The following WARS1 variants were observed in gnomAD, a reference collection of about 807,000 sequenced individuals.
WARS1 encodes the protein tryptophanyl-tRNA synthetase 1.
In WARS1, 17 loss-of-function variants were observed where a neutral mutation model predicts 47.8. The observed-to-expected ratio is 0.36, with a 90% confidence interval of 0.24 to 0.53. The LOEUF is 0.53. Ranked by LOEUF, WARS1 falls within the 20% of genes least tolerant of loss-of-function variation. The probability of loss-of-function intolerance (pLI) is 0.91; values close to 1 mark genes in which losing one functional copy is unlikely to be tolerated. For missense variants in WARS1, 434 were observed against 608.0 expected, an observed-to-expected ratio of 0.71 and a Z score of 3.01; for synonymous variants, 208 against 228.1, an observed-to-expected ratio of 0.91 and a Z score of 0.79.
chr14:100,376,248 C>G (rs1329690236), upstream of WARS1: 6 of 502,690 alleles, frequency 1.2e-5, no homozygotes, highest in Non-Finnish European at 1.8e-5. Context: ...CGGCCTTACT[C>G]CCCTCGCTTA....
intron 1 of WARS1, chr14:100,370,374 T>C (rs1261513386): frequency 1.3e-5 from 2 of 152,162 alleles, no homozygotes. Flanking sequence ...CAGGCTCTTA[T>C]GAGAACAAAA....
chr14:100,334,609 T>G lies in WARS1; in HGVS notation c.*266A>C. 3.0e-6 allele frequency: 1 copy of G among 337,298 alleles called. No individual in the cohort carries two copies. 20.9% of individuals were successfully genotyped at this position (337,298 alleles called of 1,614,324 possible). On this transcript the variant is annotated 3_prime_UTR_variant, in exon 11 of 11. Transcript: ENST00000392882. ...CCAAAGGCTCCACTGTGGGGCTGCT[T>G]TGGGGAGAGACTCACAGCTGGACTT...
chr14:100,346,957 G>C, intron 6 of WARS1, 111 bp from the exon 7 acceptor site: 1 of 935,102 alleles, frequency 1.1e-6, no homozygotes, highest in Non-Finnish European at 1.7e-6. Context: ...CCAGACTCGG[G>C]GCCACATTGT....
chr14:100,353,632 C>G (rs1414830760), intron 6 of WARS1, 55 bp downstream of exon 6: 1 of 1,582,818 alleles, frequency 6.3e-7, no homozygotes, highest in Admixed American at 1.8e-5. Context: ...GTGGTCATGA[C>G]AACTTGACAT....
intron 4 of WARS1, among the ~76,000 whole-genome samples, chr14:100,358,194 G>A (rs755517130): frequency 3.3e-5 from 5 of 151,914 alleles, no homozygotes; most frequent in African/African-American, 4.8e-5. Context: ...GTGCAGTGGC[G>A]CGATCTCGGC....
At chr14:100,343,728 C>T (rs535701047) in intron 7 of WARS1, among the ~76,000 whole-genome samples, 30 of 152,134 alleles carry the variant, frequency 2.0e-4, no homozygotes, top group African/African-American at 7.0e-4. Context: ...CCTCTGCCTC[C>T]TGGGGTTCAA....
chr14:100,342,229 G>T, intron 9 of WARS1, 169 bp downstream of exon 9: 1 of 829,866 alleles, frequency 1.2e-6, no homozygotes, highest in Non-Finnish European at 2.0e-6. Context: ...GGAAGGACAG[G>T]CTGCCTTGAG....
intron 9 of WARS1, among the ~76,000 whole-genome samples, chr14:100,340,772 C>T (rs1894104937): frequency 6.6e-6 from 1 of 151,238 alleles, no homozygotes; most frequent in African/African-American, 2.4e-5. Context: ...TGTTCTGCCC[C>T]ACAAGAAGCC....
At position 100,339,418 on chromosome 14, in the gene WARS1, C is replaced by T. The variant is rs145895394; in HGVS notation, c.1114-2216G>A. ...CATCCTGGCTAACACGGTGAAACCC[C>T]GTCTCTACCAAAATACAAAAAATTA... On this transcript the variant is annotated intron_variant, in intron 9 of 10. Transcript: ENST00000392882. Among the ~76,000 whole-genome samples the T allele has an allele frequency of 3.3e-3, 502 of 151,968 alleles. 5 individuals carry two copies. Among genetic ancestry groups the T allele is most frequent in the African/African-American group, 0.012 (478 of 41,480 alleles).
intron 2 of WARS1, chr14:100,368,282 C>A: frequency 2.9e-6 from 1 of 344,162 alleles, no homozygotes; most frequent in South Asian, 2.2e-5. Flanking sequence ...AAAAGCTGGG[C>A]GAGAAAGTTA....
intron 2 of WARS1, among the ~76,000 whole-genome samples, chr14:100,364,532 G>A (rs1186577279): frequency 6.6e-6 from 1 of 152,188 alleles, no homozygotes; most frequent in Non-Finnish European, 1.5e-5. Flanking sequence ...AACATCAAGT[G>A]CTTCTACTAC....
intron 9 of WARS1, among the ~76,000 whole-genome samples, chr14:100,340,983 C>T (rs1169678568): frequency 4.1e-5 from 6 of 147,870 alleles, no homozygotes; most frequent in East Asian, 2.0e-4. Flanking sequence ...GGTGCGATCT[C>T]GGCTCACTGC....
chr14:100,361,092 G>T (rs2146107), intron 3 of WARS1, among the ~76,000 whole-genome samples: 114,351 of 152,128 alleles, frequency 0.75, 43,554 homozygotes, highest in East Asian at 0.87. Context: ...AATTAATGTC[G>T]GTCTTCAAGT....
Position 100,353,842 on chromosome 14 carries a change from G to C in WARS1, c.570C>G (p.Pro190=). The change falls in exon 6 of 11, where the codon CCC becomes CCG. Residue 190 remains proline, a synonymous_variant. Coordinates refer to ENST00000392882, the MANE Select transcript of WARS1 (RefSeq NM_004184.4). ...CGTCATCCGTCATCTGGATGACCAAGGGCACGTTAAATACATCCTGGAGCC... is the reference window on the plus strand; with the variant it reads ...CGTCATCCGTCATCTGGATGACCAACGGCACGTTAAATACATCCTGGAGCC... ...TKWLQDVFNV[P]LVIQMTDDEK... is the part of the protein sequence containing the mutation. The C allele has an allele frequency of 6.2e-7, 1 of 1,614,072 alleles. No homozygotes were observed. The highest frequency in any genetic ancestry group is 8.5e-7 in the Non-Finnish European group (1 of 1,180,010).
chr14:100,352,759 T>C (rs1359750503), intron 6 of WARS1: 3 of 152,126 alleles, frequency 2.0e-5, no homozygotes, highest in Admixed American at 2.0e-4. Context: ...CTTAGGGGAG[T>C]ACCACAACTC....
chr14:100,370,223 T>C (rs1360201232), intron 1 of WARS1, among the ~76,000 whole-genome samples: 1 of 152,164 alleles, frequency 6.6e-6, no homozygotes, highest in Non-Finnish European at 1.5e-5. Context: ...CTATTAGTCA[T>C]GATTCATTAT....
rs2234529 is a variant in WARS1, at chr14:100,337,086, G to A, written c.1230C>T (p.Asp410=). ...CCTTCCTGATCTGCTCGAGCTTGTCGTCGTCCTCGAGGAAGAAGGTCAGGT... is the reference window on the plus strand; with the variant it reads ...CCTTCCTGATCTGCTCGAGCTTGTCATCGTCCTCGAGGAAGAAGGTCAGGT... The part of the protein sequence containing the change: ...FMYLTFFLED[D]DKLEQIRKDY... Residue 410 remains aspartate (D), a synonymous_variant, in exon 10 of 11, where the codon GAC becomes GAT. Transcript: ENST00000392882. 5.0e-3 allele frequency: 8,039 copies of A among 1,614,032 alleles called. 34 individuals are homozygous for A. Among genetic ancestry groups the A allele is most frequent in the Middle Eastern group, 8.6e-3 (52 of 6,062 alleles).
At chr14:100,350,732 G>A (rs1894925554) in intron 6 of WARS1, among the ~76,000 whole-genome samples, 1 of 152,174 alleles carries the variant, frequency 6.6e-6, no homozygotes, top group Non-Finnish European at 1.5e-5. Context: ...GCCACAGAGA[G>A]CACAAATTCA....
At chr14:100,367,801 C>T (rs1413780531) in intron 2 of WARS1, among the ~76,000 whole-genome samples, 1 of 152,088 alleles carries the variant, frequency 6.6e-6, no homozygotes, top group Non-Finnish European at 1.5e-5. Flanking sequence ...GGGGAAATCA[C>T]TTCCATGCTA....
Sources: allele counts gnomAD v4.1 joint callset (sites outside exome capture counted in the v4.1 genomes callset), GRCh38; gene constraint gnomAD v4.1.1; transcripts MANE v1.5; gene names NCBI Gene and HGNC (gene_info 2026-07-23, HGNC 2026-07-21).